Variants in MRAP2 observed in about 807,000 individuals in gnomAD.
MRAP2 encodes melanocortin 2 receptor accessory protein 2.
MRAP2 carries 20 observed loss-of-function variants against 17.4 expected under a neutral mutation model. The ratio of observed to expected loss-of-function variants is 1.15; its 90% CI spans 0.81 to 1.67. MRAP2 has a LOEUF of 1.67. Ranked by LOEUF, MRAP2 falls within the 40% of genes most tolerant of loss-of-function variation. MRAP2 has a pLI of 0.00. For missense variants in MRAP2, 238 were observed against 240.0 expected, an observed-to-expected ratio of 0.99 and a Z score of 0.05; for synonymous variants, 96 against 88.4, an observed-to-expected ratio of 1.09 and a Z score of -0.48.
the MRAP2 span, among the ~76,000 whole-genome samples, chr6:84,138,508 T>C: frequency 1.3e-5 from 2 of 152,156 alleles, no homozygotes; most frequent in African/African-American, 4.8e-5. Flanking sequence ...AGCTAGAATA[T>C]TACACAGAAT....
At chr6:84,042,265 T>C (rs577286344) in intron 1 of MRAP2, among the ~76,000 whole-genome samples, 1 of 152,196 alleles carries the variant, frequency 6.6e-6, no homozygotes, top group African/African-American at 2.4e-5. Flanking sequence ...CATATTGAAC[T>C]GTGAATCAAT....
the MRAP2 span, among the ~76,000 whole-genome samples, chr6:84,098,397 T>C: frequency 1.3e-5 from 2 of 152,216 alleles, no homozygotes; most frequent in African/African-American, 2.4e-5. Flanking sequence ...TTTTGGCTAT[T>C]GTAAATAAAT....
chr6:84,118,658 C>T, the MRAP2 span, among the ~76,000 whole-genome samples: 1 of 152,200 alleles, frequency 6.6e-6, no homozygotes, highest in Middle Eastern at 3.2e-3. Flanking sequence ...CCTGGGGACT[C>T]CATCCCTTCT....
chr6:84,101,888 G>T, the MRAP2 span, among the ~76,000 whole-genome samples: 1 of 152,128 alleles, frequency 6.6e-6, no homozygotes, highest in Non-Finnish European at 1.5e-5. Context: ...TCAAAGTCCT[G>T]TGTCATTATC....
the MRAP2 span, among the ~76,000 whole-genome samples, chr6:84,141,252 G>C: frequency 7.7e-6 from 1 of 129,710 alleles, no homozygotes; most frequent in Non-Finnish European, 1.5e-5. Context: ...ATCAAAAAAT[G>C]ATTTTTTTTT....
chr6:84,075,234 G>A (rs999321047), intron 3 of MRAP2, among the ~76,000 whole-genome samples: 2 of 152,136 alleles, frequency 1.3e-5, no homozygotes, highest in Non-Finnish European at 2.9e-5. Context: ...CAGCTCATTA[G>A]TCAGAACTAG....
chr6:84,128,959 G>A, the MRAP2 span, among the ~76,000 whole-genome samples: 1 of 150,026 alleles, frequency 6.7e-6, no homozygotes, highest in South Asian at 2.1e-4. Context: ...TTCTGTTCTT[G>A]CCTTAGTTTG....
intron 3 of MRAP2, among the ~76,000 whole-genome samples, chr6:84,072,999 C>A (rs544812994): frequency 6.6e-6 from 1 of 152,182 alleles, no homozygotes; most frequent in African/African-American, 2.4e-5. Flanking sequence ...AGGCTACCCT[C>A]CCCGCAGCTG....
chr6:84,076,601 C>G (rs1228992980), intron 3 of MRAP2, among the ~76,000 whole-genome samples: 2 of 152,150 alleles, frequency 1.3e-5, no homozygotes, highest in East Asian at 3.9e-4. Flanking sequence ...CTCAAGTGAT[C>G]CACCTGCCTC....
At chr6:84,135,938 G>C in the MRAP2 span, among the ~76,000 whole-genome samples, 1 of 152,208 alleles carries the variant, frequency 6.6e-6, no homozygotes, top group Non-Finnish European at 1.5e-5. Context: ...TTCGTGCTTT[G>C]TAACTATTGG....
chr6:84,102,598 A>G, the MRAP2 span, among the ~76,000 whole-genome samples: 2 of 152,336 alleles, frequency 1.3e-5, no homozygotes, highest in African/African-American at 4.8e-5. Context: ...TGTGCTGGAC[A>G]TTTGACCTAC....
chr6:84,076,373 A>G (rs2099497623), intron 3 of MRAP2, among the ~76,000 whole-genome samples: 1 of 151,952 alleles, frequency 6.6e-6, no homozygotes, highest in African/African-American at 2.4e-5. Context: ...ACAGGTGCCC[A>G]CAACCATGCC....
intron 1 of MRAP2, among the ~76,000 whole-genome samples, chr6:84,049,010 C>T (rs970868215): frequency 6.6e-6 from 1 of 152,144 alleles, no homozygotes; most frequent in African/African-American, 2.4e-5. Flanking sequence ...AAATTTTCTC[C>T]AGATGGAGAC....
intron 3 of MRAP2, among the ~76,000 whole-genome samples, chr6:84,073,244 G>A (rs1403723325): frequency 6.6e-6 from 1 of 152,166 alleles, no homozygotes; most frequent in African/African-American, 2.4e-5. Context: ...GACCCAGCGA[G>A]CGCCCAGGGC....
intron 1 of MRAP2, among the ~76,000 whole-genome samples, chr6:84,055,049 G>A (rs1283829752): frequency 6.6e-6 from 1 of 152,064 alleles, no homozygotes; most frequent in African/African-American, 2.4e-5. Flanking sequence ...TTTGTTATGT[G>A]CCAGGCATTG....
rs946500312 is a variant in MRAP2, at chr6:84,073,657, C to T, written c.227+10665C>T. On this transcript the variant is annotated intron_variant, in intron 3 of 3. Transcript: ENST00000257776. ...TTTTTATCACATACTGTGCCAAGCA[C>T]GGGGCTCTGGACTCAAACATTTCCA... 1.1e-4 allele frequency among the ~76,000 whole-genome samples: 16 copies of T among 152,164 alleles called. No individual in the cohort carries two copies. The East Asian group carries it at 1.7e-3, about 16-fold the overall frequency.
the MRAP2 span, among the ~76,000 whole-genome samples, chr6:84,130,628 T>C: frequency 6.6e-6 from 1 of 152,220 alleles, no homozygotes; most frequent in Non-Finnish European, 1.5e-5. Context: ...CTTCTAGATT[T>C]TCTAGTTTAT....
chr6:84,074,252 C>G (rs1220750783), intron 3 of MRAP2, among the ~76,000 whole-genome samples: 1 of 152,198 alleles, frequency 6.6e-6, no homozygotes, highest in African/African-American at 2.4e-5. Context: ...TAAGATGAAT[C>G]TAGAATGGCA....
the MRAP2 span, among the ~76,000 whole-genome samples, chr6:84,101,164 T>C: frequency 1.8e-4 from 27 of 152,222 alleles, no homozygotes. Context: ...TCATTAAAGA[T>C]ATTGATATCT....
Sources: allele counts gnomAD v4.1 joint callset (sites outside exome capture counted in the v4.1 genomes callset), GRCh38; gene constraint gnomAD v4.1.1; transcripts MANE v1.5; gene names NCBI Gene and HGNC (gene_info 2026-07-23, HGNC 2026-07-21).